PRMT9: variants seen among roughly 807,000 people sequenced by gnomAD.
The protein encoded by PRMT9 is protein arginine methyltransferase 9.
Under a neutral mutation model 83.2 loss-of-function variants are expected in PRMT9, and 59 were observed. The observed-to-expected ratio is 0.71, with a 90% confidence interval of 0.57 to 0.88. The LOEUF (loss-of-function observed/expected upper bound fraction) is 0.88. Among genes scored for constraint, PRMT9 ranks in the 40% least tolerant of loss-of-function variants. PRMT9 has a pLI of 0.00. For missense variants in PRMT9, 947 were observed against 1,021.9 expected (o/e 0.93, Z 1.00); for synonymous variants, 333 against 353.2 (o/e 0.94, Z 0.64).
In PRMT9 at chr4:147,659,072, G is replaced by A. The variant is rs183501760; in HGVS notation, c.1147-1097C>T. ...CGGGCACCTGTAGTCCCAGCTACTC[G>A]GGAGGCTGAGGCAGGAGAATGGCGT... On this transcript the variant is annotated intron_variant, in intron 7 of 11. Coordinates refer to ENST00000322396, the MANE Select transcript of PRMT9 (RefSeq NM_138364.4). 5.5e-4 allele frequency among the ~76,000 whole-genome samples: 83 copies of A among 152,118 alleles called. 2 individuals carry two copies. The East Asian group carries it at 0.015, about 27-fold the overall frequency.
intron 9 of PRMT9, among the ~76,000 whole-genome samples, chr4:147,649,315 T>C (rs1354139483): frequency 6.6e-6 from 1 of 151,656 alleles, no homozygotes; most frequent in Non-Finnish European, 1.5e-5. Flanking sequence ...CCTGACCTCA[T>C]CCCCCCTTAA....
chr4:147,681,864 T>G (rs891591224), intron 1 of PRMT9, among the ~76,000 whole-genome samples: 10 of 151,502 alleles, frequency 6.6e-5, no homozygotes, highest in Non-Finnish European at 1.5e-4. Context: ...GGCCGGAGTT[T>G]GGGTATGGGG....
At position 147,652,571 on chromosome 4, in the gene PRMT9, A is replaced by G. The variant is rs545705603; in HGVS notation, c.2045+1281T>C. On this transcript the variant is annotated intron_variant, in intron 9 of 11. Coordinates refer to ENST00000322396, the MANE Select transcript of PRMT9 (RefSeq NM_138364.4). ...AGCAGTGGCACATGCCTGTAACCCT[A>G]GCTACTCAGGAGGCTGAAGTGGAAA... 4.6e-5 allele frequency among the ~76,000 whole-genome samples: 7 copies of G among 152,198 alleles called. No homozygotes were observed. The South Asian group carries it at 1.5e-3, about 32-fold the overall frequency.
chr4:147,665,559 C>T (rs1396451177), intron 6 of PRMT9, among the ~76,000 whole-genome samples: 1 of 152,144 alleles, frequency 6.6e-6, no homozygotes, highest in Non-Finnish European at 1.5e-5. Context: ...AGCACTTCCT[C>T]ACTTTCTAAT....
chr4:147,664,656 G>A (rs1433214468), intron 6 of PRMT9, among the ~76,000 whole-genome samples: 1 of 152,238 alleles, frequency 6.6e-6, no homozygotes, highest in Non-Finnish European at 1.5e-5. Flanking sequence ...GGCAAGGGGA[G>A]GGAGAGCATT....
At chr4:147,656,714 G>A (rs965846342) in intron 8 of PRMT9, among the ~76,000 whole-genome samples, 3 of 139,318 alleles carry the variant, frequency 2.2e-5, no homozygotes, top group African/African-American at 7.8e-5. Flanking sequence ...GGAGGTTGCA[G>A]TGAGCTGAGA....
intron 4 of PRMT9, among the ~76,000 whole-genome samples, chr4:147,671,501 A>G (rs1433066913): frequency 1.3e-5 from 2 of 152,234 alleles, no homozygotes; most frequent in African/African-American, 2.4e-5. Context: ...TAGTTAGAAG[A>G]TAAGAAAAGT....
At chr4:147,639,632 G>C (rs1408989598) in intron 10 of PRMT9, among the ~76,000 whole-genome samples, 2 of 152,096 alleles carry the variant, frequency 1.3e-5, no homozygotes, top group Non-Finnish European at 2.9e-5. Flanking sequence ...CTGGCATTAG[G>C]ATCCCCAGAT....
At chr4:147,678,075 T>C (rs774161161) in intron 2 of PRMT9, among the ~76,000 whole-genome samples, 1 of 152,168 alleles carries the variant, frequency 6.6e-6, no homozygotes, top group Admixed American at 6.5e-5. Flanking sequence ...CCCAGAGCCC[T>C]AGCCCTGCAC....
chr4:147,644,427 G>C (rs935969100), intron 9 of PRMT9, among the ~76,000 whole-genome samples: 1 of 149,648 alleles, frequency 6.7e-6, no homozygotes, highest in South Asian at 2.1e-4. Flanking sequence ...AGAGTCAAGG[G>C]TTAACAAAAT....
rs983858347 is a variant in PRMT9 at position 147,638,996 on chromosome 4, C to A, written c.2286G>T (p.Met762Ile). 2 of 1,612,374 alleles carry A rather than the reference C, an allele frequency of 1.2e-6. No individual in the cohort carries two copies. Among genetic ancestry groups the A allele is most frequent in the African/African-American group, 1.3e-5 (1 of 74,864 alleles). ...KPVELLRLDL[M>I]TPYLNTSNRE... ...TGTTAGAGGTGTTCAAATACGGAGT[C>A]ATTAAATCTAGTCTTAAGAGTTCCA... The change falls in exon 11 of 12, where the codon ATG (methionine) becomes ATT (isoleucine). Residue 762 changes from methionine (M) to isoleucine (I), a missense_variant. Transcript: ENST00000322396.
chr4:147,678,389 C>A (rs1736237130), intron 2 of PRMT9, among the ~76,000 whole-genome samples: 1 of 152,196 alleles, frequency 6.6e-6, no homozygotes, highest in Non-Finnish European at 1.5e-5. Flanking sequence ...ATGCTGAGTC[C>A]CCATCACTCT....
intron 11 of PRMT9, 67 bp downstream of exon 11, chr4:147,638,893 T>G: frequency 6.8e-7 from 1 of 1,461,600 alleles, no homozygotes; most frequent in Non-Finnish European, 9.5e-7. Context: ...TGTATAAAAG[T>G]ATTACCTAAT....
At chr4:147,665,935 C>A (rs770675978) in intron 6 of PRMT9, among the ~76,000 whole-genome samples, 1 of 152,182 alleles carries the variant, frequency 6.6e-6, no homozygotes, top group Non-Finnish European at 1.5e-5. Context: ...TCACTGCACA[C>A]ATGTATGAGT....
chr4:147,660,146 T>G (rs552226393), intron 7 of PRMT9, among the ~76,000 whole-genome samples: 1 of 152,336 alleles, frequency 6.6e-6, no homozygotes, highest in African/African-American at 2.4e-5. Context: ...TTAGAATTCC[T>G]GCCCCTGTAT....
chr4:147,659,111 GGA>G (rs1734748330), intron 7 of PRMT9, among the ~76,000 whole-genome samples: 1 of 151,862 alleles, frequency 6.6e-6, no homozygotes, highest in South Asian at 2.1e-4. Flanking sequence ...CCCGGAAGGT[GGA>G]GCTTGCAGTG....
At chr4:147,660,714 T>C in intron 7 of PRMT9, 132 bp downstream of exon 7, 2 of 634,116 alleles carry the variant, frequency 3.2e-6, no homozygotes, top group African/African-American at 1.8e-5. Flanking sequence ...AATTACCCTT[T>C]AATCATTTTC....
rs750514158 is a variant in PRMT9, at chr4:147,673,692, A to G, written c.521T>C (p.Val174Ala). The change falls in exon 3 of 12, where the codon GTT becomes GCT. Residue 174 changes from valine to alanine, a missense_variant. Coordinates refer to ENST00000322396, the MANE Select transcript of PRMT9 (RefSeq NM_138364.4). ...CAAAACACTTTTGGACCCCAAACAA[A>G]CTGCCTTTTGGATTGCTGCATTATA... The part of the protein sequence containing the change: ...TIYNAAIQKA[V>A]CLGSKSVLDI... 1.2e-6 allele frequency: 2 copies of G among 1,614,002 alleles called. No individual in the cohort carries two copies. Among genetic ancestry groups the G allele is most frequent in the Non-Finnish European group, 1.7e-6 (2 of 1,179,970 alleles).
intron 3 of PRMT9, 106 bp from the exon 4 acceptor site, chr4:147,673,232 T>A: frequency 1.0e-6 from 1 of 956,038 alleles, no homozygotes; most frequent in Non-Finnish European, 1.6e-6. Flanking sequence ...TTTTATTCTT[T>A]AACACAACCA....
Sources: allele counts gnomAD v4.1 joint callset (sites outside exome capture counted in the v4.1 genomes callset), GRCh38; gene constraint gnomAD v4.1.1; transcripts MANE v1.5; gene names NCBI Gene and HGNC (gene_info 2026-07-23, HGNC 2026-07-21).